POC1A: variants seen among roughly 807,000 people sequenced by gnomAD.
The protein encoded by POC1A is POC1 centriolar protein homolog A.
A neutral mutation model predicts 47.8 loss-of-function variants in POC1A; 34 were observed. The observed-to-expected ratio is 0.71, with a 90% confidence interval of 0.54 to 0.95. The LOEUF is 0.95. Among genes scored for constraint, POC1A ranks in the 40% least tolerant of loss-of-function variants. The pLI is 0.00. For synonymous variants in POC1A, 177 were observed against 207.6 expected, an observed-to-expected ratio of 0.85 and a Z score of 1.27; for missense variants, 466 against 528.3, an observed-to-expected ratio of 0.88 and a Z score of 1.16.
chr3:52,101,736 C>A (rs765431470), intron 9 of POC1A, among the ~76,000 whole-genome samples: 1 of 152,056 alleles, frequency 6.6e-6, no homozygotes, highest in African/African-American at 2.4e-5. Context: ...AGCTACAAGA[C>A]AATACTGTCT....
chr3:52,117,395 G>C (rs1703606993), intron 9 of POC1A, among the ~76,000 whole-genome samples: 1 of 152,188 alleles, frequency 6.6e-6, no homozygotes, highest in African/African-American at 2.4e-5. Flanking sequence ...TCATGTGCCA[G>C]GCAGATGCAC....
At position 52,154,360 on chromosome 3, in the gene POC1A, A is replaced by G. The variant is rs778708350; in HGVS notation, c.13T>C (p.Cys5Arg). The change falls in exon 1 of 11, where the codon TGC (cysteine) becomes CGC (arginine). Residue 5 changes from cysteine (C) to arginine (R), a missense_variant. Coordinates refer to ENST00000296484, the MANE Select transcript of POC1A (RefSeq NM_015426.5). MAAP[C>R]AEDPSLERHF... ...TTGCTCTCGGCTGGGCTTACCGCGCAGGGCGCAGCCATGGCGGGGCTGGCG... is the reference window on the plus strand; with the variant it reads ...TTGCTCTCGGCTGGGCTTACCGCGCGGGGCGCAGCCATGGCGGGGCTGGCG... 8.8e-5 allele frequency: 136 copies of G among 1,539,064 alleles called. No individual in the cohort carries two copies. The highest frequency in any genetic ancestry group is 1.1e-4 in the Non-Finnish European group (128 of 1,149,296).
chr3:52,125,205 C>T lies in POC1A; in HGVS notation c.814-24G>A, dbSNP rs1411929343. On this transcript the variant is annotated intron_variant, in intron 7 of 10. Coordinates refer to ENST00000296484, the MANE Select transcript of POC1A (RefSeq NM_015426.5). ...CCCTGGCAGAACAAACAAAAAATAACACACATCAAAGGTCATTCTCCATTC... is the reference window on the plus strand; with the variant it reads ...CCCTGGCAGAACAAACAAAAAATAATACACATCAAAGGTCATTCTCCATTC... The T allele has an allele frequency of 4.4e-6, 7 of 1,584,280 alleles. No individual in the cohort carries two copies. The African/African-American group carries it at 5.4e-5, about 12-fold the overall frequency.
At position 52,121,416 on chromosome 3, in the gene POC1A, C is replaced by G. The variant is rs375455482; in HGVS notation, c.981+963G>C. Among the ~76,000 whole-genome samples, 27 of 152,334 alleles carry G rather than the reference C, an allele frequency of 1.8e-4. 1 individual carries two copies. In the South Asian group the frequency reaches 5.2e-3, roughly 29 times the overall value. ...AGGACAGCCAAGAGACCAGCCAGGACAGCAACCCTTGTAAGAAAAACCATA... is the reference window on the plus strand; with the variant it reads ...AGGACAGCCAAGAGACCAGCCAGGAGAGCAACCCTTGTAAGAAAAACCATA... On this transcript the variant is annotated intron_variant, in intron 9 of 10. Coordinates refer to ENST00000296484, the MANE Select transcript of POC1A (RefSeq NM_015426.5).
chr3:52,138,410 G>T (rs1577906779), intron 6 of POC1A, 108 bp from the exon 7 acceptor site: 3 of 1,169,470 alleles, frequency 2.6e-6, no homozygotes, highest in East Asian at 2.6e-5. Context: ...GCCTGATGGG[G>T]CTGGGTCAGG....
At chr3:52,078,555 G>A (rs534524762) in intron 10 of POC1A, among the ~76,000 whole-genome samples, 7 of 140,834 alleles carry the variant, frequency 5.0e-5, no homozygotes, top group Admixed American at 7.4e-5. Context: ...CTGTCGACCC[G>A]GCTGAAGTGC....
intron 10 of POC1A, among the ~76,000 whole-genome samples, chr3:52,092,886 T>G (rs1282753441): frequency 1.3e-5 from 2 of 152,242 alleles, no homozygotes; most frequent in Non-Finnish European, 2.9e-5. Flanking sequence ...AAAGGCCTCT[T>G]GGCCTGGGAA....
At chr3:52,138,663 G>A (rs1196835476) in intron 6 of POC1A, among the ~76,000 whole-genome samples, 2 of 152,190 alleles carry the variant, frequency 1.3e-5, no homozygotes, top group East Asian at 1.9e-4. Flanking sequence ...TGGTCTGCCC[G>A]ATATACTCTT....
At chr3:52,103,955 C>T (rs1177513612) in intron 9 of POC1A, among the ~76,000 whole-genome samples, 1 of 152,172 alleles carries the variant, frequency 6.6e-6, no homozygotes, top group Non-Finnish European at 1.5e-5. Flanking sequence ...GCTAAACATA[C>T]ACCTATTATA....
chr3:52,137,366 A>G (rs1382061146), intron 7 of POC1A, among the ~76,000 whole-genome samples: 3 of 152,162 alleles, frequency 2.0e-5, no homozygotes, highest in South Asian at 4.1e-4. Flanking sequence ...TCCAAGACAC[A>G]TAAGCACCCC....
intron 10 of POC1A, 145 bp from the exon 11 acceptor site, chr3:52,076,130 C>CT: frequency 1.5e-6 from 1 of 645,400 alleles, no homozygotes; most frequent in East Asian, 2.8e-5. Flanking sequence ...TGCCAGGCCC[C>CT]TTGTCTCTGG....
At chr3:52,082,617 G>A (rs1224026663) in intron 10 of POC1A, among the ~76,000 whole-genome samples, 1 of 152,084 alleles carries the variant, frequency 6.6e-6, no homozygotes. Context: ...ACATTCAGAG[G>A]GCGAGTGTGC....
At chr3:52,130,457 A>G (rs1704171391) in intron 7 of POC1A, among the ~76,000 whole-genome samples, 1 of 152,076 alleles carries the variant, frequency 6.6e-6, no homozygotes, top group Admixed American at 6.5e-5. Flanking sequence ...GGCCATCATA[A>G]CTCCACAGAC....
intron 7 of POC1A, among the ~76,000 whole-genome samples, chr3:52,128,569 C>T (rs919623436): frequency 5.9e-5 from 9 of 152,208 alleles, no homozygotes; most frequent in African/African-American, 1.9e-4. Flanking sequence ...GAGGACAGCA[C>T]AGAGAACACC....
intron 6 of POC1A, among the ~76,000 whole-genome samples, chr3:52,141,838 A>G (rs1003297928): frequency 2.0e-5 from 3 of 150,386 alleles, no homozygotes; most frequent in South Asian, 2.1e-4. Context: ...CTGAAAGAGA[A>G]AAAAAAAAAG....
chr3:52,127,293 C>T (rs1047575152), intron 7 of POC1A, among the ~76,000 whole-genome samples: 3 of 152,194 alleles, frequency 2.0e-5, no homozygotes, highest in African/African-American at 4.8e-5. Flanking sequence ...GATACCCTTT[C>T]AGGTGGACAG....
chr3:52,146,842 C>T (rs960305066), intron 5 of POC1A, 146 bp downstream of exon 5: 4 of 665,512 alleles, frequency 6.0e-6, no homozygotes, highest in Admixed American at 4.7e-5. Flanking sequence ...TGCCAGACCT[C>T]GCAAAAAGCA....
chr3:52,149,789 C>T (rs41292356), intron 3 of POC1A, 27 bp downstream of exon 3: 1 of 1,600,134 alleles, frequency 6.2e-7, no homozygotes, highest in Admixed American at 1.7e-5. Flanking sequence ...CAGACTCCAA[C>T]AAGCCTCCTC....
intron 6 of POC1A, among the ~76,000 whole-genome samples, chr3:52,145,219 A>C (rs1300215503): frequency 6.6e-6 from 1 of 152,068 alleles, no homozygotes; most frequent in African/African-American, 2.4e-5. Context: ...CATCCTGGGC[A>C]TGTCTAAGTC....
Sources: allele counts gnomAD v4.1 joint callset (sites outside exome capture counted in the v4.1 genomes callset), GRCh38; gene constraint gnomAD v4.1.1; transcripts MANE v1.5; gene names NCBI Gene and HGNC (gene_info 2026-07-23, HGNC 2026-07-21).